Variants in RBFOX1 observed in about 807,000 individuals in gnomAD.
RBFOX1 encodes the protein RNA binding fox-1 homolog 1.
A neutral mutation model predicts 57.7 loss-of-function variants in RBFOX1; 8 were observed. The observed-to-expected ratio is 0.14, with a 90% confidence interval of 0.08 to 0.25. The LOEUF (loss-of-function observed/expected upper bound fraction) is 0.25. Among genes scored for constraint, RBFOX1 ranks in the 10% least tolerant of loss-of-function variants. The pLI is 1.00. For missense variants in RBFOX1, 611 were observed against 548.5 expected, an observed-to-expected ratio of 1.11 and a Z score of -1.14; for synonymous variants, 326 against 222.4, an observed-to-expected ratio of 1.47 and a Z score of -4.15.
At chr16:6,063,689 T>C (rs979069863) in intron 1 of RBFOX1, among the ~76,000 whole-genome samples, 1 of 152,176 alleles carries the variant, frequency 6.6e-6, no homozygotes, top group African/African-American at 2.4e-5. Context: ...GCCATTAGCA[T>C]GAGAAGTGGG....
chr16:6,919,467 A>T (rs777978432), intron 3 of RBFOX1, among the ~76,000 whole-genome samples: 20 of 152,010 alleles, frequency 1.3e-4, no homozygotes, highest in Non-Finnish European at 1.2e-4. Context: ...TTTTTAAGTA[A>T]ACTTCTCAGC....
chr16:5,384,023 C>T (rs894505157), intron 1 of RBFOX1, among the ~76,000 whole-genome samples: 1 of 152,200 alleles, frequency 6.6e-6, no homozygotes, highest in Non-Finnish European at 1.5e-5. Context: ...GTACCAGTGG[C>T]ATCAGGCGCT....
chr16:6,122,392 ACAC>A (rs1418206346), intron 1 of RBFOX1, among the ~76,000 whole-genome samples: 1 of 147,082 alleles, frequency 6.8e-6, no homozygotes, highest in Non-Finnish European at 1.5e-5. Context: ...ACACACACAC[ACAC>A]ATTTTTAAAG....
At position 6,519,722 on chromosome 16, in the gene RBFOX1, C is replaced by G. The variant is rs530035946; in HGVS notation, c.-63-134881C>G. 1.1e-4 allele frequency among the ~76,000 whole-genome samples: 17 copies of G among 152,208 alleles called. No homozygotes were observed. In the South Asian group the frequency reaches 2.3e-3, roughly 20 times the overall value. ...GTCTCAAAAAGATAATAGAAGAAAACTCTGCGAGAACTACCAATTACCCAC... is the reference window on the plus strand; with the variant it reads ...GTCTCAAAAAGATAATAGAAGAAAAGTCTGCGAGAACTACCAATTACCCAC... On this transcript the variant is annotated intron_variant, in intron 2 of 15. Coordinates refer to ENST00000550418, the MANE Select transcript of RBFOX1 (RefSeq NM_018723.4).
intron 3 of RBFOX1, among the ~76,000 whole-genome samples, chr16:6,814,235 G>A (rs1361158896): frequency 7.0e-6 from 1 of 143,308 alleles, no homozygotes; most frequent in Non-Finnish European, 1.5e-5. Context: ...TAATAACACA[G>A]AGAGAAAATT....
At chr16:5,877,735 G>C (rs2057651269) in intron 4 of RBFOX1, among the ~76,000 whole-genome samples, 1 of 152,234 alleles carries the variant, frequency 6.6e-6, no homozygotes. Flanking sequence ...GTCATATTTA[G>C]ACCCACTTTT....
At chr16:6,933,189 A>G (rs1263067719) in intron 3 of RBFOX1, among the ~76,000 whole-genome samples, 2 of 152,194 alleles carry the variant, frequency 1.3e-5, no homozygotes, top group Non-Finnish European at 2.9e-5. Flanking sequence ...ACTGTGAATG[A>G]TGCTATGAAC....
intron 2 of RBFOX1, among the ~76,000 whole-genome samples, chr16:5,591,803 T>C (rs2047017062): frequency 6.6e-6 from 1 of 152,230 alleles, no homozygotes; most frequent in Non-Finnish European, 1.5e-5. Flanking sequence ...CCCAGTATTT[T>C]GTAATTACAA....
At chr16:5,738,672 GTA>G (rs905790884) in intron 3 of RBFOX1, among the ~76,000 whole-genome samples, 8 of 144,448 alleles carry the variant, frequency 5.5e-5, no homozygotes, top group Non-Finnish European at 3.0e-5. Flanking sequence ...TCTAAAGGAA[GTA>G]TAAAGCACAT....
chr16:7,389,588 T>A (rs555696031), intron 4 of RBFOX1, among the ~76,000 whole-genome samples: 1 of 152,170 alleles, frequency 6.6e-6, no homozygotes, highest in Non-Finnish European at 1.5e-5. Context: ...CCAAATCCTA[T>A]GGTAAGGCAA....
chr16:6,465,884 T>TTTTGTGTG (rs1555488078), intron 2 of RBFOX1, among the ~76,000 whole-genome samples: 1 of 146,228 alleles, frequency 6.8e-6, no homozygotes, highest in African/African-American at 2.5e-5. Context: ...ATTTGTGTGT[T>TTTTGTGTG]TGTGTGTGTG....
Position 5,587,668 on chromosome 16 carries a change from G to A in RBFOX1, c.259-11234G>A, listed in dbSNP as rs564206325. On this transcript the variant is annotated intron_variant, in intron 2 of 2. Coordinates refer to the RBFOX1 transcript ENST00000585867. ...GCAGAGGTTGCAGTGAGCCAAGATC[G>A]CGGCACTGTACTCCAGCCTGGGCGA... Among the ~76,000 whole-genome samples the A allele has an allele frequency of 3.3e-4, 50 of 152,292 alleles. 1 individual carries two copies. The Middle Eastern group carries it at 0.014, about 41-fold the overall frequency.
At chr16:7,145,962 C>T (rs2074887050) in intron 4 of RBFOX1, among the ~76,000 whole-genome samples, 1 of 152,152 alleles carries the variant, frequency 6.6e-6, no homozygotes, top group Admixed American at 6.5e-5. Flanking sequence ...TCACTACCTT[C>T]CTTTCTCTGC....
chr16:5,348,276 C>G (rs1384060449), intron 1 of RBFOX1, among the ~76,000 whole-genome samples: 1 of 152,136 alleles, frequency 6.6e-6, no homozygotes, highest in Admixed American at 6.6e-5. Flanking sequence ...ATGCATCCAT[C>G]CATGCATCCA....
chr16:5,306,436 C>T (rs936169942), intron 1 of RBFOX1, among the ~76,000 whole-genome samples: 7 of 151,918 alleles, frequency 4.6e-5, no homozygotes, highest in Non-Finnish European at 1.0e-4. Flanking sequence ...TCTCCTGCCT[C>T]AGCCTTCTAA....
rs561204261 is a variant in RBFOX1, at chr16:6,932,270, A to AT, written c.-15-119779dup. 2.3e-4 allele frequency among the ~76,000 whole-genome samples: 35 copies of AT among 151,752 alleles called. 2 individuals carry two copies. The highest frequency in any genetic ancestry group is 1.5e-3 in the South Asian group (7 of 4,780). On this transcript the variant is annotated intron_variant, in intron 3 of 15. Coordinates refer to ENST00000550418, the MANE Select transcript of RBFOX1 (RefSeq NM_018723.4). ...AGGCATGCACCACCACACCTGGCTA[A>AT]TTTTTTTTGAATTTTCAGTAGAGAC...
At chr16:5,451,923 A>G (rs968102729) in intron 1 of RBFOX1, among the ~76,000 whole-genome samples, 6 of 151,934 alleles carry the variant, frequency 3.9e-5, no homozygotes, top group Non-Finnish European at 5.9e-5. Context: ...CTTCTCCCTG[A>G]GCTCCAGCTG....
At chr16:7,041,413 A>G (rs2046148391) in intron 3 of RBFOX1, among the ~76,000 whole-genome samples, 1 of 152,138 alleles carries the variant, frequency 6.6e-6, no homozygotes, top group Non-Finnish European at 1.5e-5. Flanking sequence ...TCAATTCCTA[A>G]TGTAGATGAA....
intron 4 of RBFOX1, among the ~76,000 whole-genome samples, chr16:7,142,624 T>G (rs2074069438): frequency 6.6e-6 from 1 of 152,212 alleles, no homozygotes; most frequent in African/African-American, 2.4e-5. Context: ...TCTTCTGGAC[T>G]GTCAATCAGA....
Sources: gnomAD v4.1 joint callset for allele counts (sites outside exome capture counted in the v4.1 genomes callset) on GRCh38, gnomAD v4.1.1 for gene constraint, MANE v1.5 for transcripts, NCBI Gene and HGNC (gene_info 2026-07-23, HGNC 2026-07-21) for gene names.